The following SLC10A1 variants were observed in gnomAD, a reference collection of about 807,000 sequenced individuals.
The protein encoded by SLC10A1 is solute carrier family 10 member 1.
In SLC10A1, 36 loss-of-function variants were observed where a neutral mutation model predicts 20.5. The observed-to-expected ratio is 1.75, with a 90% CI of 1.34 to 2.32. The LOEUF is 2.32. Ranked by LOEUF, SLC10A1 falls within the 30% of genes most tolerant of loss-of-function variation. SLC10A1 has a pLI of 0.00. For synonymous variants in SLC10A1, 188 were observed against 163.6 expected (o/e 1.15, Z -1.14); for missense variants, 545 against 439.1 (o/e 1.24, Z -2.16).
intron 4 of SLC10A1, among the ~76,000 whole-genome samples, chr14:69,777,818 G>A (rs562649993): frequency 1.1e-4 from 17 of 151,400 alleles, no homozygotes; most frequent in African/African-American, 3.6e-4. Context: ...CCTTTACTGC[G>A]TAACTAGAGT....
In SLC10A1 at chr14:69,796,999, C is replaced by G. The variant is rs1594766217; in HGVS notation, c.157G>C (p.Ala53Pro). ...GCTMEFSKIK[A>P]HLWKPKGLAI... ...AGCCCTTTAGGCTTCCATAAGTGAGCCTTGATCTTGCTGAACTCCATGGTG... is the reference window on the plus strand; with the variant it reads ...AGCCCTTTAGGCTTCCATAAGTGAGGCTTGATCTTGCTGAACTCCATGGTG... Residue 53 changes from alanine (A) to proline (P), a missense_variant, in exon 1 of 5, where the codon GCT (alanine) becomes CCT (proline). Ala to Pro is a conservative substitution (Grantham distance 27). Coordinates refer to ENST00000216540, the MANE Select transcript of SLC10A1 (RefSeq NM_003049.4). 1.2e-6 allele frequency: 2 copies of G among 1,614,248 alleles called. No individual in the cohort carries two copies. Among genetic ancestry groups the G allele is most frequent in the Non-Finnish European group, 1.7e-6 (2 of 1,180,038 alleles).
chr14:69,778,545 A>G lies in SLC10A1; in HGVS notation c.747-16T>C. ...GCGTCTGCACCTGTGCCGGTGAAGA[A>G]AACCCCACATACACTCAGAGGGAAC... On this transcript the variant is annotated splice_polypyrimidine_tract_variant and intron_variant, in intron 3 of 4. Coordinates refer to ENST00000216540, the MANE Select transcript of SLC10A1 (RefSeq NM_003049.4). 2.5e-6 allele frequency: 4 copies of G among 1,579,584 alleles called. 1 individual carries two copies. In the South Asian group the frequency reaches 4.7e-5, roughly 18 times the overall value.
At chr14:69,780,922 C>A (rs1418601650) in intron 2 of SLC10A1, among the ~76,000 whole-genome samples, 3 of 152,210 alleles carry the variant, frequency 2.0e-5, no homozygotes, top group African/African-American at 7.2e-5. Context: ...CATTGAGTTA[C>A]AGGAATTGTC....
intron 3 of SLC10A1, among the ~76,000 whole-genome samples, chr14:69,778,958 A>C (rs1322851243): frequency 1.3e-5 from 2 of 152,132 alleles, no homozygotes; most frequent in African/African-American, 4.8e-5. Context: ...TGAGCTCATT[A>C]GTTCAAAACT....
intron 4 of SLC10A1, among the ~76,000 whole-genome samples, chr14:69,777,343 A>G (rs1883468551): frequency 6.6e-6 from 1 of 152,134 alleles, no homozygotes; most frequent in South Asian, 2.1e-4. Context: ...CTAATTGCAA[A>G]GGGAGAGAGA....
chr14:69,794,138 ATG>A (rs1018787253), intron 1 of SLC10A1, among the ~76,000 whole-genome samples: 12 of 152,248 alleles, frequency 7.9e-5, no homozygotes, highest in Admixed American at 5.9e-4. Context: ...TCTAAATGGG[ATG>A]TAGAGTATTG....
At chr14:69,796,623 T>C (rs764500852) in intron 1 of SLC10A1, among the ~76,000 whole-genome samples, 177 bp downstream of exon 1, 4 of 152,246 alleles carry the variant, frequency 2.6e-5, no homozygotes, top group Non-Finnish European at 5.9e-5. Context: ...GTACCCCAAC[T>C]CCTGCCCCCA....
chr14:69,791,821 A>G (rs1397241851), intron 1 of SLC10A1, among the ~76,000 whole-genome samples: 3 of 152,234 alleles, frequency 2.0e-5, no homozygotes, highest in Admixed American at 1.3e-4. Flanking sequence ...TTGTATGGAA[A>G]AGATAAAATT....
rs1883434591 is a variant in SLC10A1, at chr14:69,775,917, TGG to T, written c.*363_*364del. On this transcript the variant is annotated 3_prime_UTR_variant, in exon 5 of 5. Coordinates refer to ENST00000216540, the MANE Select transcript of SLC10A1 (RefSeq NM_003049.4). Reference sequence around the variant, plus strand: ...GGGTCACAAAACTTGGAATGGGATTTGGGTATTTGAGTAATGGGTTAAACATA... The same window carrying T: ...GGGTCACAAAACTTGGAATGGGATTTGTATTTGAGTAATGGGTTAAACATA... 5.9e-6 allele frequency: 1 copy of T among 168,378 alleles called. No homozygotes were observed. Among genetic ancestry groups the T allele is most frequent in the Non-Finnish European group, 1.3e-5 (1 of 79,142 alleles). 10.4% of individuals were successfully genotyped at this position (168,378 alleles called of 1,614,324 possible). A position where few individuals can be genotyped will look rare whatever the true frequency, so the allele number is the denominator to read the frequency against.
intron 2 of SLC10A1, among the ~76,000 whole-genome samples, chr14:69,780,744 T>C (rs1015640293): frequency 6.6e-6 from 1 of 152,250 alleles, no homozygotes; most frequent in Admixed American, 6.5e-5. Context: ...TGAATAACCA[T>C]GTGCTTCAAG....
At chr14:69,787,135 T>G (rs1157118121) in intron 1 of SLC10A1, among the ~76,000 whole-genome samples, 1 of 152,220 alleles carries the variant, frequency 6.6e-6, no homozygotes, top group Admixed American at 6.5e-5. Flanking sequence ...AGTCCCCAAC[T>G]CTGGTGTTCT....
chr14:69,789,247 A>G (rs1883789297), intron 1 of SLC10A1, among the ~76,000 whole-genome samples: 1 of 152,198 alleles, frequency 6.6e-6, no homozygotes, highest in Non-Finnish European at 1.5e-5. Context: ...TCACACAAAA[A>G]CTTGCCTGTG....
intron 2 of SLC10A1, among the ~76,000 whole-genome samples, chr14:69,782,156 T>C (rs1883606464): frequency 6.6e-6 from 1 of 152,236 alleles, no homozygotes; most frequent in Non-Finnish European, 1.5e-5. Context: ...TTTTGGAATA[T>C]AGGAAGATCA....
In SLC10A1 at chr14:69,779,172, AAAT is replaced by A. The variant is rs772822630; in HGVS notation, c.746+7_746+9del. 1 of 1,569,620 alleles carries A rather than the reference AAAT, an allele frequency of 6.4e-7. No individual in the cohort carries two copies. The highest frequency in any genetic ancestry group is 2.0e-5 in the Admixed American group (1 of 50,368). On this transcript the variant is annotated splice_region_variant and intron_variant, in intron 3 of 4. Transcript: ENST00000216540. ...TGAGACCCTTTCTTAAAAAAAAAAA[AAAT>A]ACCTACCGTCCATTGAGGCAGAAGA...
intron 2 of SLC10A1, among the ~76,000 whole-genome samples, chr14:69,784,436 G>A (rs764543822): frequency 5.3e-5 from 8 of 152,240 alleles, no homozygotes; most frequent in Admixed American, 6.5e-5. Context: ...TAATGGAAAC[G>A]AATTGCTGAG....
chr14:69,794,053 G>T (rs1376804960), intron 1 of SLC10A1, among the ~76,000 whole-genome samples: 1 of 152,088 alleles, frequency 6.6e-6, no homozygotes. Flanking sequence ...CAAACTCTGG[G>T]AAACCTCTGG....
intron 2 of SLC10A1, among the ~76,000 whole-genome samples, chr14:69,780,566 A>G (rs1421724377): frequency 6.6e-6 from 1 of 152,268 alleles, no homozygotes. Flanking sequence ...CATTAAGTAC[A>G]TTCATAATGT....
chr14:69,778,337 G>A lies in SLC10A1; in HGVS notation c.939C>T (p.Pro313=). The A allele has an allele frequency of 1.2e-6, 2 of 1,601,766 alleles. No homozygotes were observed. Among genetic ancestry groups the A allele is most frequent in the Non-Finnish European group, 1.7e-6 (2 of 1,173,882 alleles). ...IFWCYEKFKT[P]KDKTKMIYTA... ...GGGGATAATTTCAGTACTCACCCTTGGGAGTCTTGAATTTCTCATAGCACC... is the reference window on the plus strand; with the variant it reads ...GGGGATAATTTCAGTACTCACCCTTAGGAGTCTTGAATTTCTCATAGCACC... The change falls in exon 4 of 5, where the codon CCC becomes CCT. Residue 313 remains proline (P), a synonymous_variant. Transcript: ENST00000216540.
chr14:69,796,742 G>A (rs1304110368), intron 1 of SLC10A1, 58 bp downstream of exon 1: 4 of 1,383,536 alleles, frequency 2.9e-6, no homozygotes, highest in Non-Finnish European at 4.0e-6. Flanking sequence ...CCCCTCAATT[G>A]TGACATATCT....
Sources: allele counts gnomAD v4.1 joint callset (sites outside exome capture counted in the v4.1 genomes callset), GRCh38; gene constraint gnomAD v4.1.1; transcripts MANE v1.5; gene names NCBI Gene and HGNC (gene_info 2026-07-23, HGNC 2026-07-21).